The following SH2D3C variants were observed in gnomAD, a reference collection of about 807,000 sequenced individuals.
SH2D3C encodes SH2 domain containing 3C, also known as SH2 domain-containing protein 3C.
Under a neutral mutation model 75.2 loss-of-function variants are expected in SH2D3C, and 25 were observed. That is an observed-to-expected ratio of 0.33 (90% CI 0.24 to 0.46). The LOEUF is 0.46. SH2D3C is among the 20% of genes least tolerant of loss of function. SH2D3C has a pLI of 1.00. For missense variants in SH2D3C, 933 were observed against 1,165.3 expected (o/e 0.80, Z 2.90); for synonymous variants, 450 against 473.7 (o/e 0.95, Z 0.65).
intron 3 of SH2D3C, among the ~76,000 whole-genome samples, chr9:127,756,126 CCT>C: frequency 6.6e-6 from 1 of 152,092 alleles, no homozygotes; most frequent in Admixed American, 6.6e-5. Context: ...ATGGTGAAAC[CCT>C]GTCTCTACTA....
At position 127,754,881 on chromosome 9, in the gene SH2D3C, T is replaced by C. The variant is rs1313457161; in HGVS notation, c.556-3581A>G. 3 of 506,298 alleles carry C rather than the reference T, an allele frequency of 5.9e-6. No individual in the cohort carries two copies. The highest frequency in any genetic ancestry group is 1.5e-5 in the South Asian group (1 of 64,626). The allele number at this position is 506,298 out of a possible 1,614,324, so 31.4% of individuals were successfully genotyped here. ...AGTCCCAGGAGTGGCCGCCGAACCC[T>C]CACCCCGCGGAGCGCCTGGGCGCCC... On this transcript the variant is annotated intron_variant, in intron 3 of 11. Coordinates refer to ENST00000314830, the MANE Select transcript of SH2D3C (RefSeq NM_170600.3). This position sits in a 1 kb window ranked among gnomAD's most constrained non-coding sequence, Gnocchi z 4.4.
In SH2D3C at chr9:127,744,763, G is replaced by A; in HGVS notation, c.1601C>T (p.Pro534Leu). ...GAAGGTCTTGCCCCAGTCCCCTTCAGGGGCCCCATTTTCTGACAGTTCCTT... is the reference window on the plus strand; with the variant it reads ...GAAGGTCTTGCCCCAGTCCCCTTCAAGGGCCCCATTTTCTGACAGTTCCTT... ...RLKELSENGA[P>L]EGDWGKTFTV... The change falls in exon 7 of 12, where the codon CCT becomes CTT. Residue 534 changes from proline to leucine, a missense_variant. Pro to Leu is a moderately conservative substitution (Grantham distance 98). Transcript: ENST00000314830. 6.2e-7 allele frequency: 1 copy of A among 1,614,218 alleles called. No homozygotes were observed. Among genetic ancestry groups the A allele is most frequent in the African/African-American group, 1.3e-5 (1 of 75,058 alleles).
chr9:127,762,989 C>G (rs183770886), intron 2 of SH2D3C, among the ~76,000 whole-genome samples: 1 of 152,368 alleles, frequency 6.6e-6, no homozygotes, highest in Non-Finnish European at 1.5e-5. Flanking sequence ...TGGTACCCGA[C>G]AGCCACCCTG....
At chr9:127,767,819 T>A (rs1249681654) in intron 2 of SH2D3C, among the ~76,000 whole-genome samples, 1 of 152,220 alleles carries the variant, frequency 6.6e-6, no homozygotes, top group African/African-American at 2.4e-5. Context: ...ATGGGGAAAC[T>A]AAGGCTCAGA....
intron 3 of SH2D3C, among the ~76,000 whole-genome samples, chr9:127,758,627 C>A (rs545392732): frequency 4.6e-5 from 7 of 152,184 alleles, no homozygotes; most frequent in Non-Finnish European, 7.3e-5. Flanking sequence ...TCTGGGCTCA[C>A]GCAGTTTACT....
chr9:127,762,743 G>A (rs1320598373), intron 2 of SH2D3C, among the ~76,000 whole-genome samples: 1 of 152,210 alleles, frequency 6.6e-6, no homozygotes, highest in Non-Finnish European at 1.5e-5. Flanking sequence ...AAGGCCAGAA[G>A]GCACCTAAGC....
chr9:127,773,185 G>C (rs1459522307), intron 2 of SH2D3C, among the ~76,000 whole-genome samples: 1 of 152,096 alleles, frequency 6.6e-6, no homozygotes, highest in Non-Finnish European at 1.5e-5. Flanking sequence ...TACTAAATGG[G>C]AGCTATTGTC....
At chr9:127,758,654 A>T (rs543375180) in intron 3 of SH2D3C, among the ~76,000 whole-genome samples, 1 of 151,766 alleles carries the variant, frequency 6.6e-6, no homozygotes, top group Admixed American at 6.6e-5. Flanking sequence ...CTTTGTCCAC[A>T]CTCCTGCCTC....
At chr9:127,764,281 T>C (rs1021159906) in intron 2 of SH2D3C, among the ~76,000 whole-genome samples, 6 of 152,094 alleles carry the variant, frequency 3.9e-5, no homozygotes, top group African/African-American at 1.4e-4. Flanking sequence ...GGCCTCACCA[T>C]GGGGTGGCGC....
chr9:127,759,509 C>A (rs1349349889), intron 3 of SH2D3C, among the ~76,000 whole-genome samples: 1 of 152,098 alleles, frequency 6.6e-6, no homozygotes, highest in Non-Finnish European at 1.5e-5. Flanking sequence ...AGCCACTGTG[C>A]CCAGCCTGAG....
At position 127,738,832 on chromosome 9, in the gene SH2D3C, G is replaced by C; in HGVS notation, c.2497C>G (p.Gln833Glu). ...LWGSQGASSS[Q>E]ARRYEKFDKV... ...TCGAACTTCTCATAGCGCCGGGCCT[G>C]GCTGCTGCTGGCACCCTGACTGCCC... Residue 833 changes from glutamine to glutamate, a missense_variant, in exon 12 of 12, where the codon CAG becomes GAG. Coordinates refer to ENST00000314830, the MANE Select transcript of SH2D3C (RefSeq NM_170600.3). This position sits in a 1 kb window ranked among gnomAD's most constrained non-coding sequence, Gnocchi z 5.0. The C allele has an allele frequency of 6.2e-7, 1 of 1,604,296 alleles. No individual in the cohort carries two copies. Among genetic ancestry groups the C allele is most frequent in the South Asian group, 1.1e-5 (1 of 89,010 alleles).
At chr9:127,761,581 T>C in intron 3 of SH2D3C, 30 bp downstream of exon 3, 1 of 1,579,728 alleles carries the variant, frequency 6.3e-7, no homozygotes, top group Non-Finnish European at 8.7e-7. Context: ...TTCAGTGTCC[T>C]CTGACCAACC....
chr9:127,745,431 C>T (rs192189615), intron 6 of SH2D3C, among the ~76,000 whole-genome samples: 242 of 146,288 alleles, frequency 1.7e-3, no homozygotes, highest in Non-Finnish European at 2.6e-3. Flanking sequence ...GATTGTTTCT[C>T]GACGAATTAG....
rs1362529741 is a variant in SH2D3C, at chr9:127,739,429, G to C, written c.2407+253C>G. The stretch of plus-strand genomic sequence containing the variant: ...GGAGGCTGAGGCAGGAGAATCGCTT[G>C]AACTTGGGAGGCGGAGGTTGCAGTG... On this transcript the variant is annotated intron_variant, in intron 11 of 11. Coordinates refer to ENST00000314830, the MANE Select transcript of SH2D3C (RefSeq NM_170600.3). The surrounding 1 kb of genome is among the most constrained non-coding windows in gnomAD (Gnocchi z 4.3). Among the ~76,000 whole-genome samples, 1 of 152,062 alleles carries C rather than the reference G, an allele frequency of 6.6e-6. No individual in the cohort carries two copies. Among genetic ancestry groups the C allele is most frequent in the East Asian group, 1.9e-4 (1 of 5,190 alleles).
At position 127,761,657 on chromosome 9, in the gene SH2D3C, G is replaced by A. The variant is rs1845529922; in HGVS notation, c.516-7C>T. 6.2e-7 allele frequency: 1 copy of A among 1,610,464 alleles called. No homozygotes were observed. Among genetic ancestry groups the A allele is most frequent in the Non-Finnish European group, 8.5e-7 (1 of 1,178,130 alleles). On this transcript the variant is annotated splice_region_variant and splice_polypyrimidine_tract_variant and intron_variant, in intron 2 of 11. Coordinates refer to ENST00000314830, the MANE Select transcript of SH2D3C (RefSeq NM_170600.3). ...CTCTGGCTCTCCAGCAGCCCTGGAA[G>A]GAGAAAAGACAAGTGAGCATCCCCA...
At position 127,751,535 on chromosome 9, in the gene SH2D3C, G is replaced by A. The variant is rs138624389; in HGVS notation, c.556-235C>T. Among the ~76,000 whole-genome samples, 2 of 152,364 alleles carry A rather than the reference G, an allele frequency of 1.3e-5. No homozygotes were observed. The highest frequency in any genetic ancestry group is 2.4e-5 in the African/African-American group (1 of 41,590). On this transcript the variant is annotated intron_variant, in intron 3 of 11. Transcript: ENST00000314830. This position sits in a 1 kb window ranked among gnomAD's most constrained non-coding sequence, Gnocchi z 4.1. Reference sequence around the variant, plus strand: ...GTGCTATATGCCAGGGGTGGATGCAGTGATATATAAACCAAGCCCGGCCCT... The same window carrying A: ...GTGCTATATGCCAGGGGTGGATGCAATGATATATAAACCAAGCCCGGCCCT...
chr9:127,738,943 T>A lies in SH2D3C; in HGVS notation c.2408-22A>T. ...AACCCTGCAGTGTTGGGGCATAGGG[T>A]CAGGGCAGAGGCTGGGGTTCCTGTC... On this transcript the variant is annotated intron_variant, in intron 11 of 11. Transcript: ENST00000314830. The surrounding 1 kb of genome is among the most constrained non-coding windows in gnomAD (Gnocchi z 5.0). The A allele has an allele frequency of 1.3e-6, 2 of 1,534,314 alleles. No homozygotes were observed. Among genetic ancestry groups the A allele is most frequent in the Non-Finnish European group, 1.8e-6 (2 of 1,134,934 alleles).
chr9:127,755,257 C>T lies in SH2D3C; in HGVS notation c.556-3957G>A, dbSNP rs1445705159. The T allele has an allele frequency of 7.7e-6, 9 of 1,168,300 alleles. No individual in the cohort carries two copies. The East Asian group carries it at 2.7e-4, about 34-fold the overall frequency. The allele number at this position is 1,168,300 out of a possible 1,614,324, so 72.4% of individuals were successfully genotyped here. ...ACCGGCTAGGCACCGGCTGCGCGTG[C>T]CTCTCAGCGGCGCGATTACCTCATC... On this transcript the variant is annotated intron_variant, in intron 3 of 11. Coordinates refer to ENST00000314830, the MANE Select transcript of SH2D3C (RefSeq NM_170600.3).
chr9:127,775,985 C>G (rs748499557), intron 1 of SH2D3C, among the ~76,000 whole-genome samples: 1 of 151,964 alleles, frequency 6.6e-6, no homozygotes, highest in African/African-American at 2.4e-5. Context: ...CGTGCCACCA[C>G]GCCCAACTGG....
Sources: allele counts gnomAD v4.1 joint callset (sites outside exome capture counted in the v4.1 genomes callset), GRCh38; gene constraint gnomAD v4.1.1; non-coding constraint Gnocchi (gnomAD v3.1); transcripts MANE v1.5; gene names NCBI Gene and HGNC (gene_info 2026-07-23, HGNC 2026-07-21).